TAFA1: variants seen among roughly 807,000 people sequenced by gnomAD.
TAFA1 encodes the protein chemokine-like protein TAFA-1.
In TAFA1, 4 loss-of-function variants were observed where a neutral mutation model predicts 18.5. The ratio of observed to expected loss-of-function variants is 0.22; its 90% CI spans 0.11 to 0.49. The LOEUF is 0.49. TAFA1 is among the 20% of genes least tolerant of loss of function. The pLI, the probability that TAFA1 is intolerant of heterozygous loss-of-function variation, is 0.98. For missense variants in TAFA1, 147 were observed against 169.0 expected (o/e 0.87, Z 0.72); for synonymous variants, 56 against 55.2 (o/e 1.01, Z -0.06).
At chr3:68,161,120 C>A (rs967316087) in intron 2 of TAFA1, among the ~76,000 whole-genome samples, 1 of 152,144 alleles carries the variant, frequency 6.6e-6, no homozygotes, top group African/African-American at 2.4e-5. Flanking sequence ...GATGTCAACA[C>A]AATCTAAGTT....
At chr3:68,266,051 C>T (rs1373638216) in intron 2 of TAFA1, among the ~76,000 whole-genome samples, 1 of 152,138 alleles carries the variant, frequency 6.6e-6, no homozygotes. Context: ...CTTGCCTGTG[C>T]CAGGCTGCTG....
At chr3:68,362,364 T>C (rs1204450967) in intron 2 of TAFA1, among the ~76,000 whole-genome samples, 1 of 152,098 alleles carries the variant, frequency 6.6e-6, no homozygotes, top group Non-Finnish European at 1.5e-5. Flanking sequence ...ACCACAGAGG[T>C]GGCATTTTGG....
intron 2 of TAFA1, among the ~76,000 whole-genome samples, chr3:68,301,162 T>G (rs1205688367): frequency 6.6e-6 from 1 of 152,224 alleles, no homozygotes; most frequent in Non-Finnish European, 1.5e-5. Context: ...CAATTTATAC[T>G]GTTCCCTGTC....
At chr3:68,178,460 G>A (rs1458259005) in intron 2 of TAFA1, among the ~76,000 whole-genome samples, 1 of 152,178 alleles carries the variant, frequency 6.6e-6, no homozygotes, top group Non-Finnish European at 1.5e-5. Flanking sequence ...TAGGAATGAA[G>A]CAAGCAAGGG....
intron 2 of TAFA1, among the ~76,000 whole-genome samples, chr3:68,116,535 A>T (rs139944640): frequency 1.0e-3 from 159 of 152,276 alleles, no homozygotes; most frequent in African/African-American, 3.4e-3. Context: ...ATTATTCCCA[A>T]CCATAGTTAT....
chr3:68,117,290 C>T (rs964409288), intron 2 of TAFA1, among the ~76,000 whole-genome samples: 4 of 152,154 alleles, frequency 2.6e-5, no homozygotes, highest in African/African-American at 9.7e-5. Context: ...CGCAAAACTT[C>T]TCAGGAGCAC....
intron 2 of TAFA1, among the ~76,000 whole-genome samples, chr3:68,146,930 G>A (rs952439063): frequency 2.6e-5 from 4 of 151,992 alleles, no homozygotes; most frequent in Non-Finnish European, 5.9e-5. Context: ...GCTTAAATCA[G>A]GCTGGAAATT....
chr3:68,343,947 G>C (rs568976112), intron 2 of TAFA1, among the ~76,000 whole-genome samples: 2 of 152,100 alleles, frequency 1.3e-5, no homozygotes, highest in Non-Finnish European at 2.9e-5. Flanking sequence ...GGGTTCAAGC[G>C]ATTCTTCTGC....
intron 2 of TAFA1, among the ~76,000 whole-genome samples, chr3:68,096,195 C>G (rs2065085056): frequency 6.6e-6 from 1 of 152,088 alleles, no homozygotes; most frequent in African/African-American, 2.4e-5. Context: ...TCTTTCTGTG[C>G]CTGGCTTGTT....
chr3:68,171,444 T>C (rs111961113), intron 2 of TAFA1, among the ~76,000 whole-genome samples: 4 of 152,312 alleles, frequency 2.6e-5, no homozygotes, highest in African/African-American at 9.6e-5. Context: ...TTGTTTTAAG[T>C]TACTAAATTT....
intron 4 of TAFA1, among the ~76,000 whole-genome samples, chr3:68,540,552 T>C (rs1324480165): frequency 6.6e-6 from 1 of 152,216 alleles, no homozygotes; most frequent in African/African-American, 2.4e-5. Flanking sequence ...ATGGCCAGTA[T>C]GATTGGAATC....
At chr3:68,448,042 G>A (rs1286660053) in intron 3 of TAFA1, among the ~76,000 whole-genome samples, 1 of 152,178 alleles carries the variant, frequency 6.6e-6, no homozygotes, top group Non-Finnish European at 1.5e-5. Context: ...GTGAGCTCAG[G>A]AATTCTGCTG....
At chr3:68,467,155 A>G (rs922143569) in intron 3 of TAFA1, among the ~76,000 whole-genome samples, 18 of 152,268 alleles carry the variant, frequency 1.2e-4, no homozygotes, top group Admixed American at 9.2e-4. Context: ...AATCGCTGTT[A>G]TCCTGTTTTT....
chr3:67,998,788 T>A, the TAFA1 span, among the ~76,000 whole-genome samples: 1 of 152,162 alleles, frequency 6.6e-6, no homozygotes, highest in Non-Finnish European at 1.5e-5. Context: ...TTAGTGGAAT[T>A]GCTGATCAAA....
chr3:68,255,119 T>A (rs1190419065), intron 2 of TAFA1, among the ~76,000 whole-genome samples: 1 of 152,136 alleles, frequency 6.6e-6, no homozygotes, highest in Non-Finnish European at 1.5e-5. Context: ...GTGAAACAGA[T>A]GAAGAGTATT....
chr3:68,047,637 C>T (rs1431208598), intron 2 of TAFA1, among the ~76,000 whole-genome samples: 4 of 152,036 alleles, frequency 2.6e-5, no homozygotes, highest in African/African-American at 4.8e-5. Context: ...GGAATAGAGA[C>T]TCAAGTTATT....
At chr3:68,082,237 C>G (rs535027966) in intron 2 of TAFA1, among the ~76,000 whole-genome samples, 2 of 152,208 alleles carry the variant, frequency 1.3e-5, no homozygotes, top group South Asian at 2.1e-4. Context: ...GAGATGAACC[C>G]GGTACCTCAG....
At chr3:68,311,412 C>A (rs771599531) in intron 2 of TAFA1, among the ~76,000 whole-genome samples, 1 of 152,212 alleles carries the variant, frequency 6.6e-6, no homozygotes, top group Non-Finnish European at 1.5e-5. Flanking sequence ...GACAAGCCAA[C>A]TCCCTTCCAC....
chr3:68,016,056 CCTT>C (rs905192125), intron 2 of TAFA1, among the ~76,000 whole-genome samples: 4 of 152,116 alleles, frequency 2.6e-5, no homozygotes, highest in African/African-American at 9.6e-5. Flanking sequence ...TTGCTGTGGT[CCTT>C]GTTTTTTAAT....
Sources: allele counts gnomAD v4.1 joint callset (sites outside exome capture counted in the v4.1 genomes callset), GRCh38; gene constraint gnomAD v4.1.1; transcripts MANE v1.5; gene names NCBI Gene and HGNC (gene_info 2026-07-23, HGNC 2026-07-21).